Variants in MALRD1 observed in about 807,000 individuals in gnomAD.
MALRD1 encodes MAM and LDL-receptor class A domain-containing protein 1.
A neutral mutation model predicts 242.1 loss-of-function variants in MALRD1; 247 were observed. The observed-to-expected ratio is 1.02, with a 90% CI of 0.92 to 1.13. The LOEUF (loss-of-function observed/expected upper bound fraction) is 1.13, where lower values mean the gene tolerates loss of function less well. MALRD1 is among the 50% of genes most tolerant of loss of function. The pLI is 0.00. For missense variants in MALRD1, 2,989 were observed against 2,533.1 expected (o/e 1.18, Z -3.86); for synonymous variants, 995 against 866.6 (o/e 1.15, Z -2.60).
At chr10:19,196,550 T>A (rs1248862245) in intron 14 of MALRD1, among the ~76,000 whole-genome samples, 2 of 151,210 alleles carry the variant, frequency 1.3e-5, no homozygotes, top group South Asian at 2.1e-4. Context: ...TTTTTTTTTT[T>A]TTCTCCTATT....
chr10:19,073,418 A>T (rs542386121), intron 2 of MALRD1, among the ~76,000 whole-genome samples: 44 of 152,264 alleles, frequency 2.9e-4, no homozygotes, highest in African/African-American at 1.0e-3. Flanking sequence ...CAGGTTTATC[A>T]TCCCTTATCC....
At chr10:19,397,662 A>G (rs952222709) in intron 28 of MALRD1, among the ~76,000 whole-genome samples, 6 of 152,092 alleles carry the variant, frequency 3.9e-5, no homozygotes, top group African/African-American at 1.4e-4. Context: ...GAACCGACAT[A>G]CTGTTTTCAT....
intron 32 of MALRD1, among the ~76,000 whole-genome samples, chr10:19,555,907 A>G (rs1237408637): frequency 6.6e-6 from 1 of 152,156 alleles, no homozygotes; most frequent in African/African-American, 2.4e-5. Flanking sequence ...AGCATGACAG[A>G]GAGGGAGAGA....
At chr10:19,254,919 G>A (rs1000993058) in intron 18 of MALRD1, among the ~76,000 whole-genome samples, 8 of 151,964 alleles carry the variant, frequency 5.3e-5, no homozygotes, top group Admixed American at 6.6e-5. Flanking sequence ...GCTAAAACAT[G>A]TGTTTGTATG....
chr10:19,343,287 A>G (rs1048801857), intron 24 of MALRD1, among the ~76,000 whole-genome samples: 1 of 152,148 alleles, frequency 6.6e-6, no homozygotes, highest in African/African-American at 2.4e-5. Context: ...AAGAGAGTGC[A>G]GAAAAATACT....
intron 29 of MALRD1, among the ~76,000 whole-genome samples, chr10:19,481,823 T>A (rs1049639832): frequency 2.0e-5 from 3 of 152,120 alleles, no homozygotes; most frequent in Non-Finnish European, 4.4e-5. Flanking sequence ...ACAATTTATA[T>A]TAACACGCCA....
intron 18 of MALRD1, among the ~76,000 whole-genome samples, chr10:19,239,890 G>C (rs1368962301): frequency 6.6e-6 from 1 of 152,100 alleles, no homozygotes; most frequent in Admixed American, 6.6e-5. Flanking sequence ...ATGCTGTTTT[G>C]CTTACTATGG....
chr10:19,197,897 A>G (rs1010093471), intron 14 of MALRD1, among the ~76,000 whole-genome samples: 2 of 152,228 alleles, frequency 1.3e-5, no homozygotes, highest in Non-Finnish European at 2.9e-5. Context: ...TAGACTTTAT[A>G]CTTGTGCAGA....
intron 18 of MALRD1, among the ~76,000 whole-genome samples, chr10:19,245,443 T>G (rs1347968829): frequency 6.6e-6 from 1 of 152,206 alleles, no homozygotes. Context: ...CATACTGTAT[T>G]CTCTCCACAT....
rs373858224 is a variant in MALRD1, at chr10:19,457,703, G to A, written c.5029+7213G>A. On this transcript the variant is annotated intron_variant, in intron 29 of 39. Coordinates refer to ENST00000454679, the MANE Select transcript of MALRD1 (RefSeq NM_001142308.3). ...CAAGAAACTAGGGAGAACTGGGTTG[G>A]TCCAAGGCCACAGGGAGAAATGTTT... 4.0e-5 allele frequency among the ~76,000 whole-genome samples: 6 copies of A among 148,876 alleles called. No homozygotes were observed. The East Asian group carries it at 1.2e-3, about 29-fold the overall frequency.
At chr10:19,060,883 C>T (rs1191093562) in intron 1 of MALRD1, among the ~76,000 whole-genome samples, 2 of 152,148 alleles carry the variant, frequency 1.3e-5, no homozygotes, top group Non-Finnish European at 2.9e-5. Context: ...TGGAATCAGC[C>T]TAAATGCCCA....
chr10:19,069,805 C>T (rs750336892), intron 2 of MALRD1, among the ~76,000 whole-genome samples: 12 of 149,736 alleles, frequency 8.0e-5, no homozygotes, highest in Non-Finnish European at 1.3e-4. Context: ...TTTCAAAATT[C>T]GGTCTTTATT....
At chr10:19,555,156 C>T (rs1165187066) in intron 32 of MALRD1, among the ~76,000 whole-genome samples, 3 of 151,962 alleles carry the variant, frequency 2.0e-5, no homozygotes, top group Non-Finnish European at 2.9e-5. Flanking sequence ...ATGTTGAGCT[C>T]ATGTGGCCAG....
intron 8 of MALRD1, among the ~76,000 whole-genome samples, chr10:19,129,843 A>G (rs1837397723): frequency 1.3e-5 from 2 of 149,670 alleles, no homozygotes; most frequent in South Asian, 2.1e-4. Flanking sequence ...TGAGATGACT[A>G]TAGATATATA....
intron 5 of MALRD1, among the ~76,000 whole-genome samples, chr10:19,118,558 A>G (rs1046180682): frequency 6.6e-6 from 1 of 152,208 alleles, no homozygotes; most frequent in Non-Finnish European, 1.5e-5. Flanking sequence ...GCTCGTAGAG[A>G]CCAAGGTTTT....
At chr10:19,336,707 T>G (rs575154655) in intron 24 of MALRD1, among the ~76,000 whole-genome samples, 1 of 152,086 alleles carries the variant, frequency 6.6e-6, no homozygotes, top group South Asian at 2.1e-4. Context: ...TTGCATAACA[T>G]AAACTGTGGG....
chr10:19,178,279 A>G (rs956730775), intron 14 of MALRD1, among the ~76,000 whole-genome samples: 2 of 152,206 alleles, frequency 1.3e-5, no homozygotes, highest in African/African-American at 4.8e-5. Context: ...AAAGGAAAAA[A>G]AGGCATTTCT....
Position 19,331,356 on chromosome 10 carries a change from C to CTT in MALRD1, c.3688-4_3688-3dup. ...TGATTGACAGTTTAACTGTAACTGG[C>CTT]TTTTTTTTTTAGATTGTCTTCAGAG... On this transcript the variant is annotated splice_polypyrimidine_tract_variant and intron_variant, in intron 23 of 39. Coordinates refer to ENST00000454679, the MANE Select transcript of MALRD1 (RefSeq NM_001142308.3). 1 of 1,342,236 alleles carries CTT rather than the reference C, an allele frequency of 7.5e-7. No individual in the cohort carries two copies. Among genetic ancestry groups the CTT allele is most frequent in the Non-Finnish European group, 1.0e-6 (1 of 987,782 alleles). 83.1% of individuals were successfully genotyped at this position (1,342,236 alleles called of 1,614,324 possible). A position where few individuals can be genotyped will look rare whatever the true frequency, so the allele number is the denominator to read the frequency against.
At chr10:19,429,196 A>C (rs1346964030) in intron 28 of MALRD1, among the ~76,000 whole-genome samples, 1 of 152,246 alleles carries the variant, frequency 6.6e-6, no homozygotes, top group Non-Finnish European at 1.5e-5. Context: ...TGAGGAAAAC[A>C]AAGCCAGAAT....
Sources: allele counts gnomAD v4.1 joint callset (sites outside exome capture counted in the v4.1 genomes callset), GRCh38; gene constraint gnomAD v4.1.1; transcripts MANE v1.5; gene names NCBI Gene and HGNC (gene_info 2026-07-23, HGNC 2026-07-21).